FCHO2: variants seen among roughly 807,000 people sequenced by gnomAD.
FCHO2 encodes the protein F-BAR domain only protein 2.
In FCHO2, 43 loss-of-function variants were observed where a neutral mutation model predicts 114.1. That is an observed-to-expected ratio of 0.38 (90% CI 0.30 to 0.49). The LOEUF is 0.49. Ranked by LOEUF, FCHO2 falls within the 20% of genes least tolerant of loss-of-function variation. The pLI, the probability that FCHO2 is intolerant of heterozygous loss-of-function variation, is 0.97. For missense variants in FCHO2, 807 were observed against 950.4 expected (o/e 0.85, Z 1.98); for synonymous variants, 293 against 315.2 (o/e 0.93, Z 0.75).
intron 11 of FCHO2, among the ~76,000 whole-genome samples, chr5:73,050,560 A>C (rs1757296523): frequency 6.6e-6 from 1 of 151,808 alleles, no homozygotes; most frequent in African/African-American, 2.4e-5. Flanking sequence ...CTCATGATCC[A>C]CCCGCTTCAG....
intron 5 of FCHO2, among the ~76,000 whole-genome samples, chr5:73,003,948 C>T (rs982014368): frequency 2.7e-5 from 4 of 149,114 alleles, no homozygotes; most frequent in Non-Finnish European, 4.4e-5. Context: ...CTTGGGAGAC[C>T]GAGGCAGGAG....
intron 10 of FCHO2, among the ~76,000 whole-genome samples, chr5:73,037,624 G>T (rs996891561): frequency 1.3e-5 from 2 of 152,038 alleles, no homozygotes; most frequent in Admixed American, 6.6e-5. Context: ...GAGTGTACAG[G>T]CACATGGTGA....
intron 1 of FCHO2, among the ~76,000 whole-genome samples, chr5:72,961,186 T>G (rs1047010071): frequency 1.3e-5 from 2 of 152,152 alleles, no homozygotes; most frequent in African/African-American, 4.8e-5. Context: ...GAATTGCTAT[T>G]AATAGGTCTT....
At chr5:72,999,540 G>A (rs1417193347) in intron 5 of FCHO2, among the ~76,000 whole-genome samples, 3 of 151,818 alleles carry the variant, frequency 2.0e-5, no homozygotes, top group Admixed American at 6.6e-5. Context: ...GCGTCACCAC[G>A]CCCAGCTAAT....
At chr5:73,070,274 A>T (rs73762256) in intron 19 of FCHO2, among the ~76,000 whole-genome samples, 112 of 152,254 alleles carry the variant, frequency 7.4e-4, no homozygotes, top group African/African-American at 2.4e-3. Flanking sequence ...AAAAGACGAT[A>T]AGTAATATAG....
intron 11 of FCHO2, 75 bp downstream of exon 11, chr5:73,041,390 T>A: frequency 1.1e-6 from 1 of 897,048 alleles, no homozygotes; most frequent in Non-Finnish European, 1.7e-6. Context: ...ACATTTGAGT[T>A]GAGTTGTTAC....
At chr5:73,015,478 G>A (rs1295813096) in intron 6 of FCHO2, 148 bp from the exon 7 acceptor site, 2 of 430,276 alleles carry the variant, frequency 4.6e-6, no homozygotes, top group African/African-American at 2.1e-5. Context: ...GGCCAGGCTG[G>A]TCTTGAACTT....
At chr5:73,008,365 A>T (rs985654396) in intron 6 of FCHO2, among the ~76,000 whole-genome samples, 24 of 152,110 alleles carry the variant, frequency 1.6e-4, no homozygotes, top group Non-Finnish European at 2.9e-5. Context: ...GGTCTTGGAG[A>T]AGGAGACAAG....
intron 22 of FCHO2, among the ~76,000 whole-genome samples, chr5:73,079,028 G>A (rs1337635899): frequency 1.3e-5 from 2 of 152,162 alleles, no homozygotes; most frequent in African/African-American, 2.4e-5. Flanking sequence ...GTAGAGTTAC[G>A]TCTTTGTGTT....
chr5:72,998,531 G>C (rs1024754810), intron 5 of FCHO2, among the ~76,000 whole-genome samples: 3 of 151,764 alleles, frequency 2.0e-5, no homozygotes, highest in African/African-American at 7.3e-5. Flanking sequence ...GTTTACTCTT[G>C]GTAGATACTA....
chr5:72,963,948 C>T (rs930545895), intron 1 of FCHO2, among the ~76,000 whole-genome samples: 2 of 116,514 alleles, frequency 1.7e-5, no homozygotes, highest in Non-Finnish European at 3.3e-5. Flanking sequence ...ATTACAAGGA[C>T]TGGAGATTTA....
At chr5:73,028,353 T>C (rs923354763) in intron 8 of FCHO2, among the ~76,000 whole-genome samples, 9 of 152,150 alleles carry the variant, frequency 5.9e-5, no homozygotes, top group African/African-American at 2.2e-4. Context: ...TACCATATGA[T>C]CCAGTTGTTC....
rs1222714753 is a variant in FCHO2 at position 73,082,703 on chromosome 5, T to G, written c.2181-58T>G. 9 of 1,331,372 alleles carry G rather than the reference T, an allele frequency of 6.8e-6. No individual in the cohort carries two copies. In the Admixed American group the frequency reaches 2.0e-4, roughly 29 times the overall value. 82.5% of individuals were successfully genotyped at this position (1,331,372 alleles called of 1,614,324 possible). ...AATACACTTATTTATTGAGGTCCCA[T>G]TCATGTATCAGGTACTATACTAGAC... On this transcript the variant is annotated intron_variant, in intron 23 of 25. Coordinates refer to ENST00000430046, the MANE Select transcript of FCHO2 (RefSeq NM_138782.3).
At chr5:73,078,414 A>G (rs1445918061) in intron 22 of FCHO2, 102 bp downstream of exon 22, 1 of 1,061,512 alleles carries the variant, frequency 9.4e-7, no homozygotes, top group Non-Finnish European at 1.3e-6. Flanking sequence ...GTTTTTTCCC[A>G]GAAATTCAAG....
In FCHO2 at chr5:73,077,438, G is replaced by T; in HGVS notation, c.1792G>T (p.Val598Leu). Reference protein sequence around the residue: ...NPTPAVLCFRVKNISRLEQIL... With the variant: ...NPTPAVLCFRLKNISRLEQIL... ...AACTCCAGCTGTGTTGTGCTTCAGG[G>T]TGAAAAATATCAGCAGACTAGAGCA... The change falls in exon 21 of 26, where the codon GTG (valine) becomes TTG (leucine). Residue 598 changes from valine (V) to leucine (L), a missense_variant. By Grantham distance (32) the Val-to-Leu change is conservative. Coordinates refer to ENST00000430046, the MANE Select transcript of FCHO2 (RefSeq NM_138782.3). 6.2e-7 allele frequency: 1 copy of T among 1,602,194 alleles called. No individual in the cohort carries two copies. The highest frequency in any genetic ancestry group is 1.1e-5 in the South Asian group (1 of 88,796).
intron 1 of FCHO2, among the ~76,000 whole-genome samples, chr5:72,965,346 G>A (rs998304273): frequency 1.3e-5 from 2 of 152,106 alleles, no homozygotes; most frequent in South Asian, 2.1e-4. Context: ...TATTAAATGT[G>A]CAATAGCATT....
chr5:73,048,454 A>C (rs528940259), intron 11 of FCHO2, among the ~76,000 whole-genome samples: 28 of 152,292 alleles, frequency 1.8e-4, no homozygotes, highest in Non-Finnish European at 3.1e-4. Flanking sequence ...CAAAAAACTA[A>C]ATAAATAAAA....
At chr5:72,995,600 A>T (rs1422386757) in intron 5 of FCHO2, among the ~76,000 whole-genome samples, 1 of 152,050 alleles carries the variant, frequency 6.6e-6, no homozygotes, top group African/African-American at 2.4e-5. Flanking sequence ...ATTATGGAGG[A>T]TGAGAAGGAC....
intron 16 of FCHO2, 119 bp downstream of exon 16, chr5:73,056,226 A>G (rs1233129190): frequency 1.4e-6 from 1 of 690,038 alleles, no homozygotes; most frequent in African/African-American, 1.8e-5. Context: ...CTGCCCCTTC[A>G]TATGCCCAGT....
Sources: gnomAD v4.1 joint callset for allele counts (sites outside exome capture counted in the v4.1 genomes callset) on GRCh38, gnomAD v4.1.1 for gene constraint, MANE v1.5 for transcripts, NCBI Gene and HGNC (gene_info 2026-07-23, HGNC 2026-07-21) for gene names.